The following MRPS2 variants were observed in gnomAD, a reference collection of about 807,000 sequenced individuals.
MRPS2 encodes small ribosomal subunit protein uS2m.
MRPS2 carries 13 observed loss-of-function variants against 18.9 expected under a neutral mutation model. The ratio of observed to expected loss-of-function variants is 0.69; its 90% CI spans 0.45 to 1.09. The LOEUF is 1.09. Among genes scored for constraint, MRPS2 ranks in the 50% least tolerant of loss-of-function variants. The probability of loss-of-function intolerance (pLI) is 0.00; values close to 1 mark genes in which losing one functional copy is unlikely to be tolerated. For missense variants in MRPS2, 389 were observed against 421.7 expected (o/e 0.92, Z 0.68); for synonymous variants, 186 against 178.4 (o/e 1.04, Z -0.34).
At chr9:135,500,428 G>T (rs1377501154), upstream of MRPS2, 3 of 410,524 alleles carry the variant, frequency 7.3e-6, no homozygotes, top group African/African-American at 6.2e-5. Flanking sequence ...GCTTCCCCAA[G>T]GGTCAGGGGC....
At chr9:135,500,874 G>C (rs1257458577) in intron 1 of MRPS2, 121 bp downstream of exon 1, 2 of 1,534,478 alleles carry the variant, frequency 1.3e-6, no homozygotes, top group Non-Finnish European at 1.8e-6. Flanking sequence ...AGGGGACTCG[G>C]GGAGGGCGCG....
At chr9:135,503,009 G>C in intron 3 of MRPS2, 1 of 707,190 alleles carries the variant, frequency 1.4e-6, no homozygotes, top group Non-Finnish European at 1.7e-6. Flanking sequence ...CACGCACCGA[G>C]AGGCGGGGGT....
chr9:135,504,422 TGCTGTCCC>T lies in MRPS2; in HGVS notation c.*290_*297del. On this transcript the variant is annotated 3_prime_UTR_variant, in exon 4 of 4. Transcript: ENST00000241600. The surrounding 1 kb of genome is among the most constrained non-coding windows in gnomAD (Gnocchi z 4.3). ...GTATGGCCAAGCTGCTAGAAGATGC[TGCTGTCCC>T]TGTGATCCCAGCAGCCCTCCCTTCA... The T allele has an allele frequency of 2.2e-6, 1 of 461,496 alleles. No individual in the cohort carries two copies. Among genetic ancestry groups the T allele is most frequent in the South Asian group, 3.1e-5 (1 of 32,436 alleles). 28.6% of individuals were successfully genotyped at this position (461,496 alleles called of 1,614,324 possible).
intron 2 of MRPS2, chr9:135,501,630 CAGG>C: frequency 7.2e-7 from 1 of 1,379,482 alleles, no homozygotes; most frequent in Non-Finnish European, 9.4e-7. Flanking sequence ...CAGGCTTACC[CAGG>C]AGCAAGGTCG....
At chr9:135,500,945 G>C (rs1328423348) in intron 1 of MRPS2, 53 bp from the exon 2 acceptor site, 1 of 1,603,532 alleles carries the variant, frequency 6.2e-7, no homozygotes, top group Admixed American at 1.7e-5. Context: ...GGTGGGGAGC[G>C]GGCGTGGTGC....
Position 135,501,246 on chromosome 9 carries a change from C to G in MRPS2, c.169+123C>G, listed in dbSNP as rs778800153. On this transcript the variant is annotated intron_variant, in intron 2 of 3. Transcript: ENST00000241600. Reference sequence around the variant, plus strand: ...CGAAACTGCGCGCTCCGCTGGGCTCCTCCCACTCCCGTGCTCGCCGCCGCT... The same window carrying G: ...CGAAACTGCGCGCTCCGCTGGGCTCGTCCCACTCCCGTGCTCGCCGCCGCT... The G allele has an allele frequency of 5.6e-6, 8 of 1,436,836 alleles. No individual in the cohort carries two copies. In the Admixed American group the frequency reaches 1.6e-4, roughly 30 times the overall value. The allele number at this position is 1,436,836 out of a possible 1,614,324, so 89.0% of individuals were successfully genotyped here. A position where few individuals can be genotyped will look rare whatever the true frequency, so the allele number is the denominator to read the frequency against.
At position 135,501,826 on chromosome 9, in the gene MRPS2, T is replaced by C; in HGVS notation, c.170-18T>C. On this transcript the variant is annotated intron_variant, in intron 2 of 3. Coordinates refer to ENST00000241600, the MANE Select transcript of MRPS2 (RefSeq NM_016034.5). ...CCACCGGTGGGAGACGCAGCGTCGC[T>C]CCTCCTCCCTGCCGTAGATTTCAAC... The C allele has an allele frequency of 6.2e-7, 1 of 1,612,440 alleles. No individual in the cohort carries two copies. Among genetic ancestry groups the C allele is most frequent in the Non-Finnish European group, 8.5e-7 (1 of 1,179,640 alleles).
intron 3 of MRPS2, 98 bp from the exon 4 acceptor site, chr9:135,503,444 C>T: frequency 7.1e-7 from 1 of 1,405,998 alleles, no homozygotes; most frequent in Non-Finnish European, 9.5e-7. Context: ...CACAGAGGAG[C>T]CCGGGAGTCC....
chr9:135,500,172 G>C (rs1042293625), upstream of MRPS2: 9 of 399,404 alleles, frequency 2.3e-5, no homozygotes, highest in African/African-American at 1.9e-4. Flanking sequence ...CGGGTGACGG[G>C]GTTTAAGCAC....
At chr9:135,501,340 G>A (rs1831126841) in intron 2 of MRPS2, 1 of 1,406,494 alleles carries the variant, frequency 7.1e-7, no homozygotes, top group African/African-American at 1.5e-5. Flanking sequence ...AGAGGGAGCG[G>A]GCGGGCCAGT....
rs1035503902 is a variant in MRPS2, at chr9:135,503,174, G to T, written c.300-368G>T. 32 of 1,078,310 alleles carry T rather than the reference G, an allele frequency of 3.0e-5. No individual in the cohort carries two copies. In the Admixed American group the frequency reaches 4.4e-4, roughly 15 times the overall value. 66.8% of individuals were successfully genotyped at this position (1,078,310 alleles called of 1,614,324 possible). ...GTCCAACCCCAGAGGGGCCTCATCC[G>T]CAAAGCCTCGGGAAGAGGACAGTGA... On this transcript the variant is annotated intron_variant, in intron 3 of 3. Coordinates refer to ENST00000241600, the MANE Select transcript of MRPS2 (RefSeq NM_016034.5).
At chr9:135,501,551 G>T in intron 2 of MRPS2, 2 of 976,354 alleles carry the variant, frequency 2.0e-6, no homozygotes, top group Non-Finnish European at 1.3e-6. Context: ...TGAGCAACCC[G>T]CTGGGCCCCT....
rs1292961645 is a variant in MRPS2 at position 135,501,128 on chromosome 9, C to T, written c.169+5C>T. ...GCGAGTCGGAGGACAGCACCGGTAA[C>T]ACTGGGCGCCCAGCCGAGTTGGGTG... On this transcript the variant is annotated splice_donor_5th_base_variant and intron_variant, in intron 2 of 3. Coordinates refer to ENST00000241600, the MANE Select transcript of MRPS2 (RefSeq NM_016034.5). 6.3e-7 allele frequency: 1 copy of T among 1,583,978 alleles called. No homozygotes were observed. The highest frequency in any genetic ancestry group is 8.6e-7 in the Non-Finnish European group (1 of 1,168,532).
chr9:135,503,755 C>T lies in MRPS2; in HGVS notation c.513C>T (p.Phe171=). 1 of 1,612,952 alleles carries T rather than the reference C, an allele frequency of 6.2e-7. No individual in the cohort carries two copies. The highest frequency in any genetic ancestry group is 8.5e-7 in the Non-Finnish European group (1 of 1,179,970). Residue 171 remains phenylalanine, a synonymous_variant, in exon 4 of 4, where the codon TTC becomes TTT. Coordinates refer to ENST00000241600, the MANE Select transcript of MRPS2 (RefSeq NM_016034.5). ...DCGEYAHTRY[F]RGGMLTNARL... ...GCGAGTACGCCCACACTCGCTACTT[C>T]AGGGGCGGCATGCTGACCAACGCGC...
chr9:135,501,575 C>T (rs1372790851), intron 2 of MRPS2: 44 of 1,130,906 alleles, frequency 3.9e-5, no homozygotes, highest in Non-Finnish European at 6.9e-6. Flanking sequence ...TTTTTCTCCT[C>T]TGTCTTCCAA....
In MRPS2 at chr9:135,501,976, A is replaced by T; in HGVS notation, c.299+3A>T. The T allele has an allele frequency of 1.2e-6, 2 of 1,613,324 alleles. No individual in the cohort carries two copies. Among genetic ancestry groups the T allele is most frequent in the Non-Finnish European group, 1.7e-6 (2 of 1,179,912 alleles). ...CACAAAGCTGGCTGTCGGCACAGGTAGGTGACACCCCCATCTGAGCCCGGG... is the reference window on the plus strand; with the variant it reads ...CACAAAGCTGGCTGTCGGCACAGGTTGGTGACACCCCCATCTGAGCCCGGG... On this transcript the variant is annotated splice_donor_region_variant and intron_variant, in intron 3 of 3. Coordinates refer to ENST00000241600, the MANE Select transcript of MRPS2 (RefSeq NM_016034.5).
chr9:135,502,195 A>G (rs1831162597), intron 3 of MRPS2: 2 of 1,361,394 alleles, frequency 1.5e-6, no homozygotes, highest in Non-Finnish European at 1.9e-6. Context: ...AGCCCTTGAT[A>G]GGGCAGGCCT....
chr9:135,501,277 C>T (rs902377350), intron 2 of MRPS2, 154 bp downstream of exon 2: 1 of 1,432,098 alleles, frequency 7.0e-7, no homozygotes, highest in African/African-American at 1.5e-5. Context: ...CCGCTCGGTC[C>T]TGCCTGACGT....
At chr9:135,501,416 C>T in intron 2 of MRPS2, 1 of 1,204,768 alleles carries the variant, frequency 8.3e-7, no homozygotes, top group Non-Finnish European at 1.1e-6. Context: ...GCCCCGAGCT[C>T]GCCCAGGCGG....
Sources: allele counts gnomAD v4.1 joint callset, GRCh38; gene constraint gnomAD v4.1.1; non-coding constraint Gnocchi (gnomAD v3.1); transcripts MANE v1.5; gene names NCBI Gene and HGNC (gene_info 2026-07-23, HGNC 2026-07-21).